The following C13orf46 variants were observed in gnomAD, a reference collection of about 807,000 sequenced individuals.
The protein encoded by C13orf46 is uncharacterized protein C13orf46.
At chr13:113,966,092 A>AATGATGGTGATGATGATGATGGTG (rs2052642503) in intron 5 of C13orf46, among the ~76,000 whole-genome samples, 1 of 95,384 alleles carries the variant, frequency 1.0e-5, no homozygotes, top group Admixed American at 1.0e-4. Flanking sequence ...TGATGGTATT[A>AATGATGGTGATGATGATGATGGTG]ATGATGGTGA....
At position 113,967,263 on chromosome 13, in the gene C13orf46, C is replaced by G. The variant is rs1023823653; in HGVS notation, c.504+78G>C. 2.0e-5 allele frequency: 3 copies of G among 152,254 alleles called. No homozygotes were observed. In the East Asian group the frequency reaches 5.8e-4, roughly 29 times the overall value. The allele number at this position is 152,254 out of a possible 1,614,324, so 9.4% of individuals were successfully genotyped here. A position where few individuals can be genotyped will look rare whatever the true frequency, so the allele number is the denominator to read the frequency against. On this transcript the variant is annotated intron_variant, in intron 5 of 6. Transcript: ENST00000636427. ...GGGGTAAGTTCCCAGAAAAGCCTCC[C>G]AGGCTGGCCCTGCCAGGCAGCACAG...
At chr13:113,936,133 G>T in the C13orf46 span, among the ~76,000 whole-genome samples, 3 of 152,216 alleles carry the variant, frequency 2.0e-5, no homozygotes, top group Non-Finnish European at 4.4e-5. Context: ...GAGAAACTCA[G>T]GAGTCAATTG....
At chr13:113,935,197 T>C in the C13orf46 span, among the ~76,000 whole-genome samples, 8,807 of 152,288 alleles carry the variant, frequency 0.058, 316 homozygotes, top group African/African-American at 0.089. Flanking sequence ...GCCTCAGCCT[T>C]GCTGGGATGG....
the C13orf46 span, among the ~76,000 whole-genome samples, chr13:113,937,030 T>C: frequency 1.3e-5 from 2 of 152,110 alleles, no homozygotes; most frequent in Non-Finnish European, 2.9e-5. Flanking sequence ...ACAAAGGCTG[T>C]TGAGTTTTGC....
chr13:113,952,869 C>T (rs2052494751), downstream of C13orf46, among the ~76,000 whole-genome samples: 1 of 152,248 alleles, frequency 6.6e-6, no homozygotes, highest in Non-Finnish European at 1.5e-5. Context: ...CAGGAACACG[C>T]TCATGCTGGG....
the C13orf46 span, among the ~76,000 whole-genome samples, chr13:113,948,259 A>T: frequency 3.3e-4 from 50 of 152,250 alleles, 3 homozygotes; most frequent in Non-Finnish European, 1.8e-4. Context: ...GAAGGGACCA[A>T]CGTCTGCCTG....
In C13orf46 at chr13:113,968,465, A is replaced by G. The variant is rs919622350; in HGVS notation, c.456+2T>C. ...TCTATTACTAAAGGGAAAAGCTCTT[A>G]CCTCTTCTTCCTGAAGGTCATTTAG... On this transcript the variant is annotated splice_donor_variant, in intron 4 of 6. Coordinates refer to ENST00000636427, the MANE Select transcript of C13orf46 (RefSeq NM_001365455.2). LOFTEE classifies it high-confidence loss of function. 0.99 allele frequency: 151,172 copies of G among 152,358 alleles called. 75,004 individuals are homozygous for G. Among genetic ancestry groups the G allele is most frequent in the Middle Eastern group, 1 (296 of 296 alleles). 9.4% of individuals were successfully genotyped at this position (152,358 alleles called of 1,614,324 possible). A position where few individuals can be genotyped will look rare whatever the true frequency, so the allele number is the denominator to read the frequency against.
At chr13:113,965,862 G>GGTGATGATGGTGGTA (rs2052636209) in intron 5 of C13orf46, among the ~76,000 whole-genome samples, 1 of 149,204 alleles carries the variant, frequency 6.7e-6, no homozygotes, top group African/African-American at 2.5e-5. Context: ...TGGTGGTGAT[G>GGTGATGATGGTGGTA]ATGGTGATGG....
At chr13:113,945,680 A>AGAAAGAAAGGAAAG in the C13orf46 span, among the ~76,000 whole-genome samples, 31 of 92,680 alleles carry the variant, frequency 3.3e-4, no homozygotes, top group Non-Finnish European at 4.5e-4. Flanking sequence ...AAGGAAAGAA[A>AGAAAGAAAGGAAAG]AACAAACCAA....
At chr13:113,966,426 AATG>A (rs2052649021) in intron 5 of C13orf46, among the ~76,000 whole-genome samples, 2 of 142,906 alleles carry the variant, frequency 1.4e-5, no homozygotes, top group African/African-American at 2.6e-5. Flanking sequence ...ATGATGTGAT[AATG>A]ATGGTGATGG....
intron 6 of C13orf46, among the ~76,000 whole-genome samples, chr13:113,962,261 C>T (rs2052593152): frequency 1.3e-5 from 2 of 152,228 alleles, no homozygotes; most frequent in Admixed American, 6.5e-5. Context: ...AAAAATCTAG[C>T]TGGGCGTGGT....
intron 6 of C13orf46, among the ~76,000 whole-genome samples, chr13:113,958,107 T>C (rs1163567560): frequency 7.3e-6 from 1 of 137,060 alleles, no homozygotes; most frequent in Non-Finnish European, 1.5e-5. Context: ...TCAAGCACAC[T>C]GGGGGTCTCC....
chr13:113,945,602 A>AAGG, the C13orf46 span, among the ~76,000 whole-genome samples: 2 of 120,818 alleles, frequency 1.7e-5, no homozygotes, highest in South Asian at 5.4e-4. Context: ...AGAAAGAAAG[A>AAGG]AAGAAGAAAG....
chr13:113,937,239 G>A, the C13orf46 span, among the ~76,000 whole-genome samples: 6 of 152,142 alleles, frequency 3.9e-5, no homozygotes, highest in Admixed American at 1.3e-4. Context: ...TCCCCGGTCC[G>A]AGGCTACAGG....
chr13:113,970,069 C>A, intron 2 of C13orf46, 102 bp downstream of exon 2: 1 of 152,398 alleles, frequency 6.6e-6, no homozygotes, highest in Non-Finnish European at 1.5e-5. Flanking sequence ...AAGTGTCTAC[C>A]TTGATGCCCG....
At chr13:113,952,303 G>A (rs1013547163), downstream of C13orf46, among the ~76,000 whole-genome samples, 39 of 145,038 alleles carry the variant, frequency 2.7e-4, no homozygotes, top group South Asian at 8.7e-4. Flanking sequence ...CAGGGCCGCT[G>A]TGTGGCCACC....
Position 113,953,859 on chromosome 13 carries a change from G to A in C13orf46, c.*2914C>T, listed in dbSNP as rs1311043254. The A allele has an allele frequency of 6.6e-6, 1 of 152,258 alleles. No individual in the cohort carries two copies. The highest frequency in any genetic ancestry group is 1.5e-5 in the Non-Finnish European group (1 of 68,056). 9.4% of individuals were successfully genotyped at this position (152,258 alleles called of 1,614,324 possible). On this transcript the variant is annotated 3_prime_UTR_variant, in exon 7 of 7. Coordinates refer to ENST00000636427, the MANE Select transcript of C13orf46 (RefSeq NM_001365455.2). ...GTTGGCACAGTTGGAGGCCGCAACT[G>A]AGTCACACCCAACTGCCCGGCAGCC...
In C13orf46 at chr13:113,955,040, TGGCGGAGAGGAGGAGCATCC is replaced by T; in HGVS notation, c.*1713_*1732del. On this transcript the variant is annotated 3_prime_UTR_variant, in exon 7 of 7. Coordinates refer to ENST00000636427, the MANE Select transcript of C13orf46 (RefSeq NM_001365455.2). ...TCTGGCGGAGAGGAGGAGTAGGATC[TGGCGGAGAGGAGGAGCATCC>T]GGCGGGGATGAGGAGCATCCAGTGG... is the stretch of plus-strand genomic sequence containing the variant. The T allele has an allele frequency of 3.8e-5, 6 of 159,420 alleles. No homozygotes were observed. The highest frequency in any genetic ancestry group is 7.7e-5 in the Admixed American group (1 of 13,018). The allele number at this position is 159,420 out of a possible 1,614,324, so 9.9% of individuals were successfully genotyped here.
chr13:113,970,893 T>C (rs1346922248), intron 1 of C13orf46, among the ~76,000 whole-genome samples: 1 of 152,292 alleles, frequency 6.6e-6, no homozygotes, highest in African/African-American at 2.4e-5. Flanking sequence ...GCCTGGCTGT[T>C]GGCCACCGGC....
Sources: allele counts gnomAD v4.1 joint callset (sites outside exome capture counted in the v4.1 genomes callset), GRCh38; gene constraint gnomAD v4.1.1; transcripts MANE v1.5; gene names NCBI Gene and HGNC (gene_info 2026-07-23, HGNC 2026-07-21).